The following PITPNC1 variants were observed in gnomAD, a reference collection of about 807,000 sequenced individuals.
PITPNC1 encodes phosphatidylinositol transfer protein cytoplasmic 1, also known as cytoplasmic phosphatidylinositol transfer protein 1.
PITPNC1 carries 18 observed loss-of-function variants against 44.7 expected under a neutral mutation model. The ratio of observed to expected loss-of-function variants is 0.40; its 90% CI spans 0.28 to 0.60. PITPNC1 has a LOEUF of 0.60. Ranked by LOEUF, PITPNC1 falls within the 20% of genes least tolerant of loss-of-function variation. The pLI is 0.39. For synonymous variants in PITPNC1, 141 were observed against 149.6 expected (o/e 0.94, Z 0.42); for missense variants, 290 against 418.4 (o/e 0.69, Z 2.68).
intron 4 of PITPNC1, among the ~76,000 whole-genome samples, chr17:67,573,852 T>G (rs1388186455): frequency 6.6e-6 from 1 of 152,160 alleles, no homozygotes; most frequent in Admixed American, 6.5e-5. Context: ...TGAGCCACCA[T>G]GCCCGGCTAC....
At chr17:67,425,445 TTCTC>T (rs952025756) in intron 1 of PITPNC1, among the ~76,000 whole-genome samples, 10 of 151,442 alleles carry the variant, frequency 6.6e-5, no homozygotes, top group African/African-American at 2.4e-4. Flanking sequence ...TCCTCTCTCT[TTCTC>T]TCACTCTTTC....
chr17:67,632,249 G>C lies in PITPNC1; in HGVS notation c.462+11G>C. The C allele has an allele frequency of 6.6e-7, 1 of 1,511,308 alleles. No homozygotes were observed. Among genetic ancestry groups the C allele is most frequent in the Non-Finnish European group, 9.2e-7 (1 of 1,086,716 alleles). The allele number at this position is 1,511,308 out of a possible 1,614,324, so 93.6% of individuals were successfully genotyped here. A position where few individuals can be genotyped will look rare whatever the true frequency, so the allele number is the denominator to read the frequency against. On this transcript the variant is annotated intron_variant, in intron 6 of 8. Transcript: ENST00000581322. ...TACAAAGAATCTGAGGTAAGCAACA[G>C]TTGGGATGAGATGTGGAAGATTCAT...
At chr17:67,618,728 G>T (rs1285908659) in intron 5 of PITPNC1, among the ~76,000 whole-genome samples, 1 of 151,522 alleles carries the variant, frequency 6.6e-6, no homozygotes, top group African/African-American at 2.4e-5. Context: ...CTCCAGCCTG[G>T]GTGACAGAAC....
intron 1 of PITPNC1, among the ~76,000 whole-genome samples, chr17:67,512,285 G>A (rs2040194888): frequency 6.6e-6 from 1 of 152,184 alleles, no homozygotes; most frequent in Admixed American, 6.6e-5. Flanking sequence ...GATCATTTGA[G>A]GTCAGGAGTT....
intron 1 of PITPNC1, among the ~76,000 whole-genome samples, chr17:67,390,828 A>G (rs2038127345): frequency 6.6e-6 from 1 of 152,204 alleles, no homozygotes. Flanking sequence ...TTCCTGGCTG[A>G]CTGCCTGAGC....
At chr17:67,389,632 G>C (rs1043770078) in intron 1 of PITPNC1, among the ~76,000 whole-genome samples, 3 of 152,134 alleles carry the variant, frequency 2.0e-5, no homozygotes, top group African/African-American at 7.2e-5. Context: ...CATTGAATTG[G>C]TATGTAAAGT....
intron 5 of PITPNC1, among the ~76,000 whole-genome samples, chr17:67,615,052 C>G (rs1053355414): frequency 6.6e-6 from 1 of 152,176 alleles, no homozygotes; most frequent in Non-Finnish European, 1.5e-5. Flanking sequence ...TCCCCACATG[C>G]TAGCCCCAGC....
At chr17:67,622,968 A>G (rs1017177960) in intron 5 of PITPNC1, among the ~76,000 whole-genome samples, 17 of 152,268 alleles carry the variant, frequency 1.1e-4, no homozygotes, top group African/African-American at 4.1e-4. Context: ...CCACCAAACC[A>G]GTAGCCACTT....
chr17:67,558,473 A>T (rs1446290177), intron 4 of PITPNC1, among the ~76,000 whole-genome samples: 2 of 152,156 alleles, frequency 1.3e-5, no homozygotes, highest in Non-Finnish European at 2.9e-5. Flanking sequence ...AGCTAAAAAA[A>T]AAAAAAAGTC....
intron 1 of PITPNC1, among the ~76,000 whole-genome samples, chr17:67,422,175 G>T (rs1374452937): frequency 6.6e-6 from 1 of 152,208 alleles, no homozygotes; most frequent in Non-Finnish European, 1.5e-5. Flanking sequence ...AGGAGGGGCA[G>T]AGGGAAAAAC....
Position 67,692,835 on chromosome 17 carries a change from A to G in PITPNC1, c.946A>G (p.Asn316Asp). ...AGACCCTGAGAAAAAAGCCACCCTG[A>G]ATTTACCCGGCATGCACTCTTCAGA... ...LPDPEKKATL[N>D]LPGMHSSDKP... Residue 316 changes from asparagine (N) to aspartate (D), a missense_variant, in exon 9 of 9, where the codon AAT becomes GAT. By Grantham distance (23) the Asn-to-Asp change is conservative. Transcript: ENST00000581322. 1 of 1,613,820 alleles carries G rather than the reference A, an allele frequency of 6.2e-7. No homozygotes were observed. The highest frequency in any genetic ancestry group is 8.5e-7 in the Non-Finnish European group (1 of 1,179,762).
At chr17:67,400,690 T>A (rs2038294104) in intron 1 of PITPNC1, among the ~76,000 whole-genome samples, 1 of 152,050 alleles carries the variant, frequency 6.6e-6, no homozygotes, top group African/African-American at 2.4e-5. Context: ...AAATAACCCT[T>A]CTTTTCCTAA....
intron 5 of PITPNC1, among the ~76,000 whole-genome samples, chr17:67,586,425 CAAAAAAAAAAAA>C (rs33998127): frequency 9.0e-6 from 1 of 110,580 alleles, no homozygotes; most frequent in South Asian, 2.9e-4. Flanking sequence ...GTTTCTACTT[CAAAAAAAAAAAA>C]AAAAAAAATT....
At position 67,508,222 on chromosome 17, in the gene PITPNC1, C is replaced by G. The variant is rs1419054559; in HGVS notation, c.49-24580C>G. Among the ~76,000 whole-genome samples the G allele has an allele frequency of 6.6e-6, 1 of 152,050 alleles. No homozygotes were observed. Among genetic ancestry groups the G allele is most frequent in the East Asian group, 1.9e-4 (1 of 5,192 alleles). On this transcript the variant is annotated intron_variant, in intron 1 of 8. Coordinates refer to ENST00000581322, the MANE Select transcript of PITPNC1 (RefSeq NM_012417.4). This position sits in a 1 kb window ranked among gnomAD's most constrained non-coding sequence, Gnocchi z 4.2. ...ATCTCAAGGAAGAAAGAATTCAGGT[C>G]GAGTCTACAAAGTGAAAGCAAGTTT...
At chr17:67,581,628 C>T (rs553938087) in intron 5 of PITPNC1, among the ~76,000 whole-genome samples, 12 of 152,356 alleles carry the variant, frequency 7.9e-5, no homozygotes, top group Admixed American at 7.2e-4. Flanking sequence ...TTGGACCACA[C>T]GGCCCAGCCC....
intron 6 of PITPNC1, among the ~76,000 whole-genome samples, chr17:67,656,152 A>G (rs1485856344): frequency 2.0e-5 from 3 of 152,194 alleles, no homozygotes; most frequent in Non-Finnish European, 4.4e-5. Flanking sequence ...GACCCCACCC[A>G]GGACCAGTTA....
At chr17:67,442,792 T>C (rs534831899) in intron 1 of PITPNC1, among the ~76,000 whole-genome samples, 1 of 151,960 alleles carries the variant, frequency 6.6e-6, no homozygotes, top group African/African-American at 2.4e-5. Context: ...AGACGAAGGG[T>C]TGCAGTGAGC....
At chr17:67,450,358 T>C (rs2039157748) in intron 1 of PITPNC1, among the ~76,000 whole-genome samples, 1 of 143,626 alleles carries the variant, frequency 7.0e-6, no homozygotes, top group Non-Finnish European at 1.5e-5. Context: ...CTCCTGAAGG[T>C]GCACGGGAGA....
At chr17:67,486,659 AG>A (rs5821471) in intron 1 of PITPNC1, among the ~76,000 whole-genome samples, 2,588 of 152,282 alleles carry the variant, frequency 0.017, 72 homozygotes, top group African/African-American at 0.059. Flanking sequence ...GGAGGCAGAA[AG>A]GTGACGTTTT....
Sources: gnomAD v4.1 joint callset for allele counts (sites outside exome capture counted in the v4.1 genomes callset) on GRCh38, gnomAD v4.1.1 for gene constraint, Gnocchi (gnomAD v3.1) non-coding constraint, MANE v1.5 for transcripts, NCBI Gene and HGNC (gene_info 2026-07-23, HGNC 2026-07-21) for gene names.